SYT3: variants seen among roughly 807,000 people sequenced by gnomAD.
SYT3 encodes the protein synaptotagmin 3, also known as synaptotagmin-3.
A neutral mutation model predicts 50.6 loss-of-function variants in SYT3; 25 were observed. The ratio of observed to expected loss-of-function variants is 0.49; its 90% CI spans 0.36 to 0.69. The LOEUF is 0.69. Among genes scored for constraint, SYT3 ranks in the 30% least tolerant of loss-of-function variants. SYT3 has a pLI of 0.00. For missense variants in SYT3, 589 were observed against 793.6 expected (o/e 0.74, Z 3.10); for synonymous variants, 323 against 353.9 (o/e 0.91, Z 0.98).
At chr19:50,650,604 G>A in the SYT3 span, among the ~76,000 whole-genome samples, 2 of 152,224 alleles carry the variant, frequency 1.3e-5, no homozygotes, top group Non-Finnish European at 2.9e-5. Context: ...CCAGGAGGCA[G>A]AGGCTGCAGC....
chr19:50,636,958 C>T (rs988764309), intron 3 of SYT3, among the ~76,000 whole-genome samples: 3 of 152,168 alleles, frequency 2.0e-5, no homozygotes, highest in African/African-American at 7.2e-5. Flanking sequence ...GGAGATGGGA[C>T]TTGAACCCAA....
Position 50,625,782 on chromosome 19 carries a change from C to A in SYT3, c.1402+115G>T. 4 of 574,376 alleles carry A rather than the reference C, an allele frequency of 7.0e-6. No individual in the cohort carries two copies. The highest frequency in any genetic ancestry group is 3.7e-5 in the South Asian group (2 of 53,532). 35.6% of individuals were successfully genotyped at this position (574,376 alleles called of 1,614,324 possible). A position where few individuals can be genotyped will look rare whatever the true frequency, so the allele number is the denominator to read the frequency against. ...CCCCTCCTCCCTCAGACCCAGGAGT[C>A]CAGATCCCCAGCTCCTCCTCCCTCA... On this transcript the variant is annotated intron_variant, in intron 7 of 10. Coordinates refer to ENST00000600079, the MANE Select transcript of SYT3 (RefSeq NM_001160329.2). This position sits in a 1 kb window ranked among gnomAD's most constrained non-coding sequence, Gnocchi z 7.5.
chr19:50,658,097 G>A, the SYT3 span: 9 of 1,535,796 alleles, frequency 5.9e-6, no homozygotes, highest in South Asian at 1.2e-5. Context: ...GAACATGAAC[G>A]TCATCTGTGG....
the SYT3 span, among the ~76,000 whole-genome samples, chr19:50,648,947 T>G: frequency 6.8e-6 from 1 of 146,134 alleles, no homozygotes; most frequent in Non-Finnish European, 1.5e-5. Flanking sequence ...AGAGAGAGGG[T>G]GACGGGGTTA....
chr19:50,631,091 C>T (rs1984284717), intron 4 of SYT3, among the ~76,000 whole-genome samples: 3 of 152,220 alleles, frequency 2.0e-5, no homozygotes, highest in South Asian at 4.1e-4. Context: ...GACCCTCAGG[C>T]GGGCACTCAA....
At chr19:50,647,796 CAGAT>C in the SYT3 span, among the ~76,000 whole-genome samples, 1 of 152,024 alleles carries the variant, frequency 6.6e-6, no homozygotes, top group Non-Finnish European at 1.5e-5. Flanking sequence ...AACTTGGAGA[CAGAT>C]AGGCTGTGAG....
At chr19:50,640,081 C>T (rs182826976), upstream of SYT3, among the ~76,000 whole-genome samples, 210 of 152,236 alleles carry the variant, frequency 1.4e-3, no homozygotes, top group African/African-American at 4.5e-3. Context: ...GGTCCGGGGG[C>T]CCAGTTCTCC....
the SYT3 span, among the ~76,000 whole-genome samples, chr19:50,648,758 A>C: frequency 7.1e-6 from 1 of 141,222 alleles, no homozygotes; most frequent in South Asian, 2.3e-4. Flanking sequence ...CCCACTAGAG[A>C]ACCCACTTTC....
At chr19:50,647,659 C>T in the SYT3 span, among the ~76,000 whole-genome samples, 5 of 152,030 alleles carry the variant, frequency 3.3e-5, no homozygotes, top group African/African-American at 1.2e-4. Context: ...ACAGTGAGAC[C>T]CTGTCTCAAA....
Position 50,625,470 on chromosome 19 carries a change from A to C in SYT3, c.1497T>G (p.Asn499Lys). The change falls in exon 8 of 11, where the codon AAT becomes AAG. Residue 499 changes from asparagine to lysine, a missense_variant. This residue lies in a region of SYT3 where 273 missense variants were observed against 439.3 expected (regional missense o/e 0.62). Transcript: ENST00000600079. The surrounding 1 kb of genome is among the most constrained non-coding windows in gnomAD (Gnocchi z 7.5). ...GGGCCACGTCGAACACCAGCGCCTC[A>C]TTATAGGTGGGGTTCAGCGTGTTCT... The part of the protein sequence containing the change: ...IKKNTLNPTY[N>K]EALVFDVAPE... The C allele has an allele frequency of 6.2e-7, 1 of 1,604,000 alleles. No individual in the cohort carries two copies. The highest frequency in any genetic ancestry group is 8.5e-7 in the Non-Finnish European group (1 of 1,175,664).
At position 50,632,306 on chromosome 19, in the gene SYT3, T is replaced by C; in HGVS notation, c.654A>G (p.Thr218=). The C allele has an allele frequency of 1.9e-6, 3 of 1,581,934 alleles. No individual in the cohort carries two copies. The highest frequency in any genetic ancestry group is 2.6e-6 in the Non-Finnish European group (3 of 1,157,462). ...CTCACCTGGTAGTGGGTGCCAGGCT[T>C]GTGACCTGCTGATGTGACTGGGCAC... ...LPSAQSHQQV[T]SLAPTTRYPA... Residue 218 remains threonine (T), a synonymous_variant, in exon 4 of 11, where the codon ACA becomes ACG. Coordinates refer to ENST00000600079, the MANE Select transcript of SYT3 (RefSeq NM_001160329.2). The surrounding 1 kb of genome is among the most constrained non-coding windows in gnomAD (Gnocchi z 4.7).
the SYT3 span, among the ~76,000 whole-genome samples, chr19:50,647,303 G>A: frequency 2.0e-5 from 3 of 152,070 alleles, no homozygotes; most frequent in African/African-American, 7.2e-5. Context: ...GAGCAGGGCA[G>A]GGGCAGGTCA....
At position 50,625,167 on chromosome 19, in the gene SYT3, C is replaced by G. The variant is rs1034011323; in HGVS notation, c.1702G>C (p.Val568Leu). ...RKPVEHWHQL[V>L]EEKTVTSFTK... ...GGTGTGGGACCCCTACTCACCTCCA[C>G]TAGCTGATGCCAGTGCTCCACGGGC... Residue 568 changes from valine (V) to leucine (L), a missense_variant, in exon 9 of 11, where the codon GTG becomes CTG. Transcript: ENST00000600079. This position sits in a 1 kb window ranked among gnomAD's most constrained non-coding sequence, Gnocchi z 7.5. The G allele has an allele frequency of 6.3e-7, 1 of 1,596,324 alleles. No individual in the cohort carries two copies. Among genetic ancestry groups the G allele is most frequent in the Non-Finnish European group, 8.5e-7 (1 of 1,175,228 alleles).
In SYT3 at chr19:50,637,616, G is replaced by A. The variant is rs1984540332; in HGVS notation, c.-15-190C>T. 2 of 538,832 alleles carry A rather than the reference G, an allele frequency of 3.7e-6. No individual in the cohort carries two copies. The highest frequency in any genetic ancestry group is 6.6e-6 in the Non-Finnish European group (2 of 302,464). 33.4% of individuals were successfully genotyped at this position (538,832 alleles called of 1,614,324 possible). ...GAAGGACAAGGTGACAGGTATTAGG[G>A]ATGGACAAGGAAAAGGAATTAGGAG... On this transcript the variant is annotated intron_variant, in intron 2 of 10. Transcript: ENST00000600079. The surrounding 1 kb of genome is among the most constrained non-coding windows in gnomAD (Gnocchi z 4.9).
chr19:50,629,442 GC>G lies in SYT3; in HGVS notation c.1132del (p.Ala378ProfsTer73). The G allele has an allele frequency of 6.2e-7, 1 of 1,614,042 alleles. No homozygotes were observed. Reference sequence around the variant, plus strand: ...GACGCTGAAGTGCAGTTTGCGTTGGGCCAGCTCGGCCAGGGGCACCGAGAAT... The same window carrying G: ...GACGCTGAAGTGCAGTTTGCGTTGGGCAGCTCGGCCAGGGGCACCGAGAAT... ...FQFSVPLAEL[A>X]QRKLHFSVYD... On this transcript the variant is annotated frameshift_variant, in exon 6 of 11. Coordinates refer to ENST00000600079, the MANE Select transcript of SYT3 (RefSeq NM_001160329.2). LOFTEE classifies it high-confidence loss of function.
chr19:50,646,259 C>T, the SYT3 span, among the ~76,000 whole-genome samples: 2 of 152,228 alleles, frequency 1.3e-5, no homozygotes, highest in South Asian at 2.1e-4. Context: ...ATAAGGAAGA[C>T]GAGGCTCAGA....
the SYT3 span, among the ~76,000 whole-genome samples, chr19:50,655,661 CA>C: frequency 6.8e-6 from 1 of 146,578 alleles, no homozygotes; most frequent in Non-Finnish European, 1.5e-5. Flanking sequence ...AAAAAAAAAA[CA>C]AAAAACCTGA....
chr19:50,637,499 G>T lies in SYT3; in HGVS notation c.-15-73C>A. On this transcript the variant is annotated intron_variant, in intron 2 of 10. Coordinates refer to ENST00000600079, the MANE Select transcript of SYT3 (RefSeq NM_001160329.2). This position sits in a 1 kb window ranked among gnomAD's most constrained non-coding sequence, Gnocchi z 4.9. ...GGAGTGCAGGGTGGGCAGGTGTGGA[G>T]ATAAGGGTGGAAAGAGACACCGAGA... The T allele has an allele frequency of 3.7e-6, 5 of 1,363,424 alleles. No individual in the cohort carries two copies. The highest frequency in any genetic ancestry group is 5.0e-6 in the Non-Finnish European group (5 of 997,038). The allele number at this position is 1,363,424 out of a possible 1,614,324, so 84.5% of individuals were successfully genotyped here. A position where few individuals can be genotyped will look rare whatever the true frequency, so the allele number is the denominator to read the frequency against.
In SYT3 at chr19:50,638,596, C is replaced by T. The variant is rs566190978; in HGVS notation, c.-16+429G>A. On this transcript the variant is annotated intron_variant, in intron 2 of 10. Coordinates refer to ENST00000600079, the MANE Select transcript of SYT3 (RefSeq NM_001160329.2). Reference sequence around the variant, plus strand: ...GGATGGACAGTGACAAGGAATGAACCGAGATGTAATTAATTCACGGGGGCT... The same window carrying T: ...GGATGGACAGTGACAAGGAATGAACTGAGATGTAATTAATTCACGGGGGCT... Among the ~76,000 whole-genome samples, 17 of 151,952 alleles carry T rather than the reference C, an allele frequency of 1.1e-4. No individual in the cohort carries two copies. In the South Asian group the frequency reaches 2.7e-3, roughly 24 times the overall value.
Sources: allele counts gnomAD v4.1 joint callset (sites outside exome capture counted in the v4.1 genomes callset), GRCh38; gene constraint gnomAD v4.1.1; regional missense constraint gnomAD v4.1.1; non-coding constraint Gnocchi (gnomAD v3.1); transcripts MANE v1.5; gene names NCBI Gene and HGNC (gene_info 2026-07-23, HGNC 2026-07-21).